The following PPP2R2B variants were observed in gnomAD, a reference collection of about 807,000 sequenced individuals.
PPP2R2B encodes the protein serine/threonine-protein phosphatase 2A 55 kDa regulatory subunit B beta isoform.
PPP2R2B carries 5 observed loss-of-function variants against 46.0 expected under a neutral mutation model. That is an observed-to-expected ratio of 0.11 (90% CI 0.06 to 0.23). The LOEUF is 0.23. Ranked by LOEUF, PPP2R2B falls within the 10% of genes least tolerant of loss-of-function variation. PPP2R2B has a pLI of 1.00. For synonymous variants in PPP2R2B, 215 were observed against 206.7 expected (o/e 1.04, Z -0.34); for missense variants, 367 against 575.0 (o/e 0.64, Z 3.70).
intron 7 of PPP2R2B, among the ~76,000 whole-genome samples, chr5:146,619,749 G>C (rs1184604208): frequency 6.6e-6 from 1 of 152,142 alleles, no homozygotes; most frequent in Non-Finnish European, 1.5e-5. Flanking sequence ...GCTGGGGCTG[G>C]ATCCATGCTC....
intron 1 of PPP2R2B, among the ~76,000 whole-genome samples, chr5:146,904,007 T>A (rs1762922637): frequency 6.6e-6 from 1 of 152,176 alleles, no homozygotes; most frequent in Non-Finnish European, 1.5e-5. Flanking sequence ...GTTTCCTGGC[T>A]CAGAGTAATT....
intron 1 of PPP2R2B, among the ~76,000 whole-genome samples, chr5:146,975,354 A>G (rs1018195022): frequency 3.9e-5 from 6 of 152,244 alleles, no homozygotes; most frequent in African/African-American, 9.6e-5. Context: ...TCTTAAGAAT[A>G]AGTAATATTC....
At chr5:146,776,315 A>G (rs990082923) in intron 2 of PPP2R2B, among the ~76,000 whole-genome samples, 1 of 152,110 alleles carries the variant, frequency 6.6e-6, no homozygotes, top group Admixed American at 6.5e-5. Flanking sequence ...TTATATAACA[A>G]TATAGAATTG....
intron 1 of PPP2R2B, among the ~76,000 whole-genome samples, chr5:146,923,646 T>C (rs1763683664): frequency 2.0e-5 from 3 of 152,244 alleles, no homozygotes; most frequent in Non-Finnish European, 4.4e-5. Context: ...TCAGCCATTA[T>C]TGAAGACAGT....
chr5:147,047,207 A>G (rs1756584413), intron 1 of PPP2R2B, among the ~76,000 whole-genome samples: 2 of 152,072 alleles, frequency 1.3e-5, no homozygotes, highest in Non-Finnish European at 2.9e-5. Context: ...TTACAGCTGG[A>G]TAGGAGGGAT....
intron 1 of PPP2R2B, among the ~76,000 whole-genome samples, chr5:147,047,286 G>T (rs1756588254): frequency 6.6e-6 from 1 of 152,026 alleles, no homozygotes; most frequent in South Asian, 2.1e-4. Flanking sequence ...ACAAATATCT[G>T]GGAGGAGAAT....
intron 2 of PPP2R2B, among the ~76,000 whole-genome samples, chr5:146,711,786 A>G (rs915007027): frequency 9.7e-4 from 148 of 152,352 alleles, no homozygotes; most frequent in African/African-American, 3.6e-3. Context: ...CAGTTAGAGG[A>G]CTGGGAGGTA....
At position 146,898,380 on chromosome 5, in the gene PPP2R2B, A is replaced by T. The variant is rs563067482; in HGVS notation, c.79+157285T>A. Among the ~76,000 whole-genome samples, 74 of 152,196 alleles carry T rather than the reference A, an allele frequency of 4.9e-4. No homozygotes were observed. The East Asian group carries it at 7.2e-3, about 15-fold the overall frequency. ...GAAAAACAAGCAATGGGGAAAGGATACCCTATTTAATAAATGGTGCTGGGA... is the reference window on the plus strand; with the variant it reads ...GAAAAACAAGCAATGGGGAAAGGATTCCCTATTTAATAAATGGTGCTGGGA... On this transcript the variant is annotated intron_variant, in intron 1 of 8. Coordinates refer to the PPP2R2B transcript ENST00000336640.
intron 1 of PPP2R2B, among the ~76,000 whole-genome samples, chr5:146,892,419 C>T (rs142535319): frequency 6.4e-4 from 97 of 152,282 alleles, no homozygotes; most frequent in African/African-American, 2.2e-3. Flanking sequence ...CTACAAATAG[C>T]TCTTGCTAAG....
intron 5 of PPP2R2B, among the ~76,000 whole-genome samples, chr5:146,688,285 T>A (rs527339403): frequency 6.6e-6 from 1 of 150,646 alleles, no homozygotes; most frequent in African/African-American, 2.4e-5. Flanking sequence ...ATAACATGTC[T>A]CTCCAAAAAA....
At chr5:147,012,642 T>C (rs1754796647) in intron 1 of PPP2R2B, among the ~76,000 whole-genome samples, 1 of 151,842 alleles carries the variant, frequency 6.6e-6, no homozygotes, top group South Asian at 2.1e-4. Context: ...TGTTTGCTCT[T>C]GCTTTTCTAG....
Position 146,701,027 on chromosome 5 carries a change from G to T in PPP2R2B, c.168+18C>A, listed in dbSNP as rs1251385622. 6.3e-7 allele frequency: 1 copy of T among 1,584,226 alleles called. No homozygotes were observed. Among genetic ancestry groups the T allele is most frequent in the Non-Finnish European group, 8.7e-7 (1 of 1,153,050 alleles). ...AAAAAGTGAAGAAAATGGGCATTTT[G>T]CATTCACCACCACTTACCTCCTGCT... On this transcript the variant is annotated intron_variant, in intron 3 of 9. Transcript: ENST00000394411.
chr5:146,994,023 T>C (rs916512762), intron 1 of PPP2R2B, among the ~76,000 whole-genome samples: 1 of 152,132 alleles, frequency 6.6e-6, no homozygotes, highest in Non-Finnish European at 1.5e-5. Context: ...ACTTCAGGAA[T>C]AGCTAAGCAG....
At chr5:147,044,742 T>A (rs1255556424) in intron 1 of PPP2R2B, among the ~76,000 whole-genome samples, 1 of 152,170 alleles carries the variant, frequency 6.6e-6, no homozygotes, top group Non-Finnish European at 1.5e-5. Context: ...GTTGGTCAAC[T>A]CCCCTGAGAG....
upstream of PPP2R2B, among the ~76,000 whole-genome samples, chr5:146,883,275 G>T (rs1453130868): frequency 6.6e-6 from 1 of 152,168 alleles, no homozygotes; most frequent in African/African-American, 2.4e-5. Context: ...TCAGAGGTAA[G>T]GAAAGTGCTT....
In PPP2R2B at chr5:146,970,852, GT is replaced by G. The variant is rs568846928; in HGVS notation, c.79+84812del. ...ATTCTTTTCTAATCATAAAAGCAATGTTTTTTTTTTCCTGTAGGAAAATTAG... is the reference window on the plus strand; with the variant it reads ...ATTCTTTTCTAATCATAAAAGCAATGTTTTTTTTTCCTGTAGGAAAATTAG... On this transcript the variant is annotated intron_variant, in intron 1 of 8. Transcript: ENST00000336640. Among the ~76,000 whole-genome samples the G allele has an allele frequency of 8.9e-4, 133 of 149,014 alleles. 1 individual carries two copies. Among genetic ancestry groups the G allele is most frequent in the African/African-American group, 2.6e-3 (106 of 40,680 alleles).
intron 1 of PPP2R2B, among the ~76,000 whole-genome samples, chr5:146,951,178 T>C (rs549792769): frequency 6.6e-6 from 1 of 151,974 alleles, no homozygotes; most frequent in South Asian, 2.1e-4. Flanking sequence ...CTCTTTTTTG[T>C]TTGTTTTTTT....
At chr5:146,874,326 T>C (rs573110139) in intron 2 of PPP2R2B, among the ~76,000 whole-genome samples, 2 of 152,316 alleles carry the variant, frequency 1.3e-5, no homozygotes, top group African/African-American at 4.8e-5. Context: ...AATGAATCAA[T>C]AATTGAAAGG....
At position 146,698,128 on chromosome 5, in the gene PPP2R2B, T is replaced by G; in HGVS notation, c.185A>C (p.His62Pro). 1 of 1,595,770 alleles carries G rather than the reference T, an allele frequency of 6.3e-7. No homozygotes were observed. Among genetic ancestry groups the G allele is most frequent in the South Asian group, 1.1e-5 (1 of 88,052 alleles). Residue 62 changes from histidine (H) to proline (P), a missense_variant, in exon 4 of 10, where the codon CAT becomes CCT. Physicochemically the swap from His to Pro is moderately conservative, Grantham distance 77 (BLOSUM62 -2). This residue lies in a region of PPP2R2B where 361 missense variants were observed against 545.5 expected (regional missense o/e 0.66). Coordinates refer to ENST00000394411, the MANE Select transcript of PPP2R2B (RefSeq NM_181675.4). ...GTAAACATTGTATTCACCCCTACGA[T>G]GAACCTGATTTTTACTCTGTAGGAA... is the stretch of plus-strand genomic sequence containing the variant. Reference protein sequence around the residue: ...QREQESKNQVHRRGEYNVYST... With the variant: ...QREQESKNQVPRRGEYNVYST...
Sources: allele counts gnomAD v4.1 joint callset (sites outside exome capture counted in the v4.1 genomes callset), GRCh38; gene constraint gnomAD v4.1.1; regional missense constraint gnomAD v4.1.1; transcripts MANE v1.5; gene names NCBI Gene and HGNC (gene_info 2026-07-23, HGNC 2026-07-21).